PKD2L2: variants seen among roughly 807,000 people sequenced by gnomAD.
PKD2L2 encodes the protein polycystin 2 like 2, transient receptor potential cation channel, also known as polycystin-2-like protein 2.
Under a neutral mutation model 83.9 loss-of-function variants are expected in PKD2L2, and 67 were observed. The ratio of observed to expected loss-of-function variants is 0.80; its 90% CI spans 0.66 to 0.98. The LOEUF (loss-of-function observed/expected upper bound fraction) is 0.98, where lower values mean the gene tolerates loss of function less well. PKD2L2 is among the 50% of genes least tolerant of loss of function. The pLI is 0.00. For missense variants in PKD2L2, 632 were observed against 717.2 expected (o/e 0.88, Z 1.36); for synonymous variants, 223 against 237.8 (o/e 0.94, Z 0.57).
intron 12 of PKD2L2, among the ~76,000 whole-genome samples, chr5:137,931,036 T>C (rs998047890): frequency 5.3e-5 from 8 of 151,872 alleles, no homozygotes; most frequent in Non-Finnish European, 7.4e-5. Flanking sequence ...AAATAAGAAA[T>C]GGAAGGAATT....
chr5:137,910,918 C>T (rs549989317), intron 8 of PKD2L2, among the ~76,000 whole-genome samples: 3 of 152,154 alleles, frequency 2.0e-5, no homozygotes, highest in Admixed American at 1.3e-4. Context: ...AGCTATTTGC[C>T]CTGAAGGCAT....
intron 5 of PKD2L2, 39 bp downstream of exon 5, chr5:137,899,776 A>G (rs1756798452): frequency 1.2e-5 from 14 of 1,190,146 alleles, no homozygotes; most frequent in Non-Finnish European, 1.6e-5. Flanking sequence ...ACAGTGGTCA[A>G]TGGCCTACAA....
At chr5:137,910,082 T>TG (rs1580929928) in intron 8 of PKD2L2, among the ~76,000 whole-genome samples, 2 of 151,994 alleles carry the variant, frequency 1.3e-5, no homozygotes, top group East Asian at 3.9e-4. Context: ...AACAACTAGC[T>TG]GGATGTGGTG....
intron 8 of PKD2L2, among the ~76,000 whole-genome samples, chr5:137,909,301 T>A (rs1239497912): frequency 2.0e-5 from 3 of 151,898 alleles, no homozygotes; most frequent in Non-Finnish European, 4.4e-5. Flanking sequence ...AATGCTGGGA[T>A]TACAGGCATG....
At chr5:137,940,462 G>A in intron 14 of PKD2L2, 2 of 541,034 alleles carry the variant, frequency 3.7e-6, no homozygotes, top group South Asian at 3.6e-5. Context: ...ATAAAAAGTT[G>A]TTCTGTTAAA....
In PKD2L2 at chr5:137,925,117, CT is replaced by C. The variant is rs1759267645; in HGVS notation, c.1616+14del. 1.3e-6 allele frequency: 2 copies of C among 1,515,666 alleles called. No individual in the cohort carries two copies. Among genetic ancestry groups the C allele is most frequent in the African/African-American group, 1.4e-5 (1 of 73,012 alleles). 93.9% of individuals were successfully genotyped at this position (1,515,666 alleles called of 1,614,324 possible). A position where few individuals can be genotyped will look rare whatever the true frequency, so the allele number is the denominator to read the frequency against. ...AAGACAAGAAAACGTAAGATGACTT[CT>C]CTCAAATGTTTAACTTACCATTTTA... On this transcript the variant is annotated intron_variant, in intron 11 of 14. Coordinates refer to ENST00000508883, the MANE Select transcript of PKD2L2 (RefSeq NM_001300921.2).
chr5:137,906,545 A>G, intron 6 of PKD2L2, 111 bp downstream of exon 6: 1 of 585,112 alleles, frequency 1.7e-6, no homozygotes, highest in Non-Finnish European at 3.0e-6. Context: ...TTTGAAAGCT[A>G]CAAGTATCAA....
At chr5:137,932,895 G>C (rs1759991240) in intron 12 of PKD2L2, among the ~76,000 whole-genome samples, 1 of 152,092 alleles carries the variant, frequency 6.6e-6, no homozygotes, top group Non-Finnish European at 1.5e-5. Context: ...TTTCCGATTA[G>C]GGATACTCAA....
At chr5:137,933,172 TCA>T (rs1173553444) in intron 12 of PKD2L2, among the ~76,000 whole-genome samples, 3 of 151,618 alleles carry the variant, frequency 2.0e-5, no homozygotes, top group Non-Finnish European at 4.4e-5. Context: ...AAACCCAACA[TCA>T]CAGAGTATAA....
chr5:137,918,969 AGTGT>A (rs759318916), intron 8 of PKD2L2, among the ~76,000 whole-genome samples: 4 of 131,684 alleles, frequency 3.0e-5, no homozygotes, highest in Non-Finnish European at 3.3e-5. Context: ...TGTGTGTGTG[AGTGT>A]GTGTGTGTGT....
chr5:137,920,755 C>G (rs1475012754), intron 8 of PKD2L2, among the ~76,000 whole-genome samples: 1 of 62,588 alleles, frequency 1.6e-5, no homozygotes, highest in South Asian at 1.0e-3. Flanking sequence ...GAAACTCCAT[C>G]TAAAAAAAAA....
At chr5:137,899,259 G>A (rs1049686525) in intron 4 of PKD2L2, among the ~76,000 whole-genome samples, 1 of 152,152 alleles carries the variant, frequency 6.6e-6, no homozygotes, top group African/African-American at 2.4e-5. Context: ...TGGGACTACA[G>A]GCACATGCCA....
Position 137,935,821 on chromosome 5 carries a change from A to C in PKD2L2, c.1696A>C (p.Lys566Gln). ...ENEIQNAEQM[K>Q]KWKERLEKKY... ...GGAGATTCAAAACGCAGAGCAGATGAAAAAATGGAAAGAGAGGCTTGAGAA... is the reference window on the plus strand; with the variant it reads ...GGAGATTCAAAACGCAGAGCAGATGCAAAAATGGAAAGAGAGGCTTGAGAA... The change falls in exon 13 of 15, where the codon AAA (lysine) becomes CAA (glutamine). Residue 566 changes from lysine to glutamine, a missense_variant. Lys to Gln is a moderately conservative substitution (Grantham distance 53). This residue lies in a region of PKD2L2 where 399 missense variants were observed against 416.9 expected (regional missense o/e 0.96). Transcript: ENST00000508883. 3.7e-6 allele frequency: 6 copies of C among 1,607,266 alleles called. No homozygotes were observed. Among genetic ancestry groups the C allele is most frequent in the Non-Finnish European group, 4.3e-6 (5 of 1,173,858 alleles).
intron 9 of PKD2L2, among the ~76,000 whole-genome samples, chr5:137,923,172 C>T (rs1414119311): frequency 3.9e-5 from 6 of 151,948 alleles, no homozygotes; most frequent in Admixed American, 6.6e-5. Flanking sequence ...TGCACCACCA[C>T]GCCTGGCTAA....
At chr5:137,902,817 C>T (rs956210747) in intron 5 of PKD2L2, among the ~76,000 whole-genome samples, 1 of 152,278 alleles carries the variant, frequency 6.6e-6, no homozygotes. Flanking sequence ...AGAAATGGAG[C>T]TAGATCTGTT....
At chr5:137,922,840 ATT>A (rs1759038250) in intron 9 of PKD2L2, among the ~76,000 whole-genome samples, 1 of 152,090 alleles carries the variant, frequency 6.6e-6, no homozygotes, top group Admixed American at 6.6e-5. Flanking sequence ...GTTCATATGC[ATT>A]CTTTTACATT....
rs567314735 is a variant in PKD2L2, at chr5:137,933,617, C to T, written c.1672-2180C>T. ...CATTCCGTATCATTCCCTTTGCCTA[C>T]AGCCAAGAGCTCAGCCAGCTGCATT... On this transcript the variant is annotated intron_variant, in intron 12 of 14. Transcript: ENST00000508883. 1.5e-3 allele frequency among the ~76,000 whole-genome samples: 228 copies of T among 152,326 alleles called. 2 individuals carry two copies. The highest frequency in any genetic ancestry group is 5.1e-3 in the African/African-American group (213 of 41,568).
intron 2 of PKD2L2, among the ~76,000 whole-genome samples, chr5:137,892,183 G>T (rs547424438): frequency 1.3e-5 from 2 of 152,248 alleles, no homozygotes; most frequent in South Asian, 4.1e-4. Context: ...CTCTCATGTA[G>T]AGAAAAAGTC....
intron 3 of PKD2L2, among the ~76,000 whole-genome samples, chr5:137,893,195 ATTTCT>A (rs1365817958): frequency 6.6e-6 from 1 of 152,210 alleles, no homozygotes; most frequent in Non-Finnish European, 1.5e-5. Flanking sequence ...ACTTTTAAAA[ATTTCT>A]TTAATTGCCC....
Sources: allele counts gnomAD v4.1 joint callset (sites outside exome capture counted in the v4.1 genomes callset), GRCh38; gene constraint gnomAD v4.1.1; regional missense constraint gnomAD v4.1.1; transcripts MANE v1.5; gene names NCBI Gene and HGNC (gene_info 2026-07-23, HGNC 2026-07-21).